Variants in SLC24A2 observed in about 807,000 individuals in gnomAD.
The protein encoded by SLC24A2 is sodium/potassium/calcium exchanger 2.
Under a neutral mutation model 62.0 loss-of-function variants are expected in SLC24A2, and 36 were observed. The observed-to-expected ratio is 0.58, with a 90% confidence interval of 0.44 to 0.77. The LOEUF is 0.77. Ranked by LOEUF, SLC24A2 falls within the 30% of genes least tolerant of loss-of-function variation. The pLI is 0.00. For missense variants in SLC24A2, 846 were observed against 817.9 expected, an observed-to-expected ratio of 1.03 and a Z score of -0.42; for synonymous variants, 358 against 294.0, an observed-to-expected ratio of 1.22 and a Z score of -2.23.
the SLC24A2 span, among the ~76,000 whole-genome samples, chr9:20,178,759 A>G: frequency 6.6e-6 from 1 of 152,142 alleles, no homozygotes; most frequent in Non-Finnish European, 1.5e-5. Flanking sequence ...CTGTGCTTCT[A>G]GGATTCTTTT....
intron 2 of SLC24A2, among the ~76,000 whole-genome samples, chr9:19,782,497 A>C (rs937396241): frequency 1.3e-5 from 2 of 152,198 alleles, no homozygotes; most frequent in Admixed American, 6.5e-5. Context: ...TTAATGTTTG[A>C]CCCATTTATA....
the SLC24A2 span, among the ~76,000 whole-genome samples, chr9:19,844,218 C>G: frequency 6.6e-6 from 1 of 152,132 alleles, no homozygotes; most frequent in Non-Finnish European, 1.5e-5. Context: ...GATAGCCATT[C>G]TGATTGGAGT....
At chr9:19,708,434 G>C (rs1332108980) in intron 2 of SLC24A2, among the ~76,000 whole-genome samples, 2 of 152,122 alleles carry the variant, frequency 1.3e-5, no homozygotes, top group Non-Finnish European at 2.9e-5. Flanking sequence ...CCAAAAAAGA[G>C]CCTGCATCAC....
chr9:19,769,103 T>C (rs542356338), intron 2 of SLC24A2, among the ~76,000 whole-genome samples: 4 of 152,302 alleles, frequency 2.6e-5, no homozygotes, highest in East Asian at 1.9e-4. Context: ...AAACCCAAAA[T>C]TGAACTCCTC....
chr9:20,290,086 C>G, the SLC24A2 span, among the ~76,000 whole-genome samples: 1 of 152,144 alleles, frequency 6.6e-6, no homozygotes, highest in East Asian at 1.9e-4. Context: ...GCCCTGCACC[C>G]AACCCCAACA....
intron 2 of SLC24A2, among the ~76,000 whole-genome samples, chr9:19,740,092 C>T (rs1167611610): frequency 1.3e-5 from 2 of 152,074 alleles, no homozygotes; most frequent in African/African-American, 2.4e-5. Context: ...ACAGACAATG[C>T]CAAGTGATGG....
At chr9:19,942,973 G>A in the SLC24A2 span, among the ~76,000 whole-genome samples, 1 of 152,158 alleles carries the variant, frequency 6.6e-6, no homozygotes, top group Non-Finnish European at 1.5e-5. Flanking sequence ...CTCTATCAGG[G>A]AGTGAAGTGA....
rs1225499528 is a variant in SLC24A2, at chr9:19,511,825, T to G, written c.*4328A>C. The G allele has an allele frequency of 6.6e-6, 1 of 152,102 alleles. No individual in the cohort carries two copies. The highest frequency in any genetic ancestry group is 2.4e-5 in the African/African-American group (1 of 41,410). The allele number at this position is 152,102 out of a possible 1,614,324, so 9.4% of individuals were successfully genotyped here. On this transcript the variant is annotated 3_prime_UTR_variant, in exon 11 of 11. Transcript: ENST00000341998. ...GGCCACCTACTTACCAGAAAAACAA[T>G]CTGTCCAGGTGCAAGGAGGCATAGC... is the stretch of plus-strand genomic sequence containing the variant.
At chr9:20,067,880 A>G in the SLC24A2 span, among the ~76,000 whole-genome samples, 1 of 151,912 alleles carries the variant, frequency 6.6e-6, no homozygotes, top group Non-Finnish European at 1.5e-5. Context: ...GTAACTATCT[A>G]TTTTCCTTTG....
the SLC24A2 span, among the ~76,000 whole-genome samples, chr9:19,886,024 G>A: frequency 6.6e-6 from 1 of 152,174 alleles, no homozygotes; most frequent in Non-Finnish European, 1.5e-5. Flanking sequence ...TTGATTCCAT[G>A]TCTTTACTAT....
the SLC24A2 span, among the ~76,000 whole-genome samples, chr9:20,092,927 G>C: frequency 6.6e-6 from 1 of 152,152 alleles, no homozygotes; most frequent in Non-Finnish European, 1.5e-5. Context: ...TGAATAAGGT[G>C]ATATATGGCA....
At chr9:19,691,866 G>C (rs1296514947) in intron 2 of SLC24A2, among the ~76,000 whole-genome samples, 2 of 152,174 alleles carry the variant, frequency 1.3e-5, no homozygotes, top group South Asian at 2.1e-4. Context: ...ATATTGTCCA[G>C]GGATATCAGT....
At chr9:20,074,657 G>A in the SLC24A2 span, among the ~76,000 whole-genome samples, 5 of 148,224 alleles carry the variant, frequency 3.4e-5, no homozygotes, top group African/African-American at 1.2e-4. Flanking sequence ...GTGAGGGGGA[G>A]GGGAACAGCT....
chr9:19,921,278 C>G, the SLC24A2 span, among the ~76,000 whole-genome samples: 2 of 152,032 alleles, frequency 1.3e-5, no homozygotes, highest in Admixed American at 1.3e-4. Flanking sequence ...AATCCCAGCA[C>G]TTTGGGAGGC....
the SLC24A2 span, among the ~76,000 whole-genome samples, chr9:20,165,278 A>AT: frequency 2.3e-4 from 35 of 151,604 alleles, no homozygotes; most frequent in Middle Eastern, 3.4e-3. Flanking sequence ...AATGCTACAA[A>AT]TTTTTTTTTC....
chr9:20,242,030 C>T, the SLC24A2 span, among the ~76,000 whole-genome samples: 1 of 152,210 alleles, frequency 6.6e-6, no homozygotes, highest in African/African-American at 2.4e-5. Context: ...GAAAGCATCT[C>T]CTGTTTTGAT....
At chr9:20,270,043 G>C in the SLC24A2 span, among the ~76,000 whole-genome samples, 1 of 152,136 alleles carries the variant, frequency 6.6e-6, no homozygotes, top group African/African-American at 2.4e-5. Flanking sequence ...CGTGTGAAGA[G>C]GGAAGACTGG....
the SLC24A2 span, among the ~76,000 whole-genome samples, chr9:19,944,831 A>T: frequency 6.6e-6 from 1 of 152,120 alleles, no homozygotes; most frequent in Non-Finnish European, 1.5e-5. Flanking sequence ...TTTGTGTGAG[A>T]CTGTATTTAT....
intron 4 of SLC24A2, among the ~76,000 whole-genome samples, chr9:19,616,757 G>A (rs1469474880): frequency 6.6e-6 from 1 of 152,060 alleles, no homozygotes; most frequent in Non-Finnish European, 1.5e-5. Flanking sequence ...AACAATCACA[G>A]AAACCATGAT....
Sources: gnomAD v4.1 joint callset for allele counts (sites outside exome capture counted in the v4.1 genomes callset) on GRCh38, gnomAD v4.1.1 for gene constraint, MANE v1.5 for transcripts, NCBI Gene and HGNC (gene_info 2026-07-23, HGNC 2026-07-21) for gene names.